MAML2: variants seen among roughly 807,000 people sequenced by gnomAD.
The protein encoded by MAML2 is mastermind like transcriptional coactivator 2.
A neutral mutation model predicts 96.1 loss-of-function variants in MAML2; 22 were observed. That is an observed-to-expected ratio of 0.23 (90% confidence interval 0.16 to 0.33). The LOEUF (loss-of-function observed/expected upper bound fraction) is 0.33. MAML2 is among the 10% of genes least tolerant of loss of function. The pLI, the probability that MAML2 is intolerant of heterozygous loss-of-function variation, is 1.00. For missense variants in MAML2, 1,367 were observed against 1,392.4 expected, an observed-to-expected ratio of 0.98 and a Z score of 0.29; for synonymous variants, 561 against 521.3, an observed-to-expected ratio of 1.08 and a Z score of -1.04.
intron 1 of MAML2, among the ~76,000 whole-genome samples, chr11:96,262,554 G>A (rs1359752528): frequency 2.6e-5 from 4 of 151,304 alleles, no homozygotes; most frequent in African/African-American, 7.3e-5. Flanking sequence ...TGCAACCTCC[G>A]CCTCCCAGGT....
chr11:96,284,726 T>C (rs374498560), intron 1 of MAML2, among the ~76,000 whole-genome samples: 2 of 152,294 alleles, frequency 1.3e-5, no homozygotes, highest in African/African-American at 2.4e-5. Flanking sequence ...CAGTTTAGAA[T>C]TGATGAAAGA....
At chr11:96,073,325 T>C (rs1418102309) in intron 2 of MAML2, among the ~76,000 whole-genome samples, 1 of 113,246 alleles carries the variant, frequency 8.8e-6, no homozygotes, top group Non-Finnish European at 1.9e-5. Context: ...TCTTTTCTTT[T>C]TTTTTTTTTT....
intron 1 of MAML2, among the ~76,000 whole-genome samples, chr11:96,283,994 C>G (rs1863105033): frequency 6.6e-6 from 1 of 152,182 alleles, no homozygotes; most frequent in Non-Finnish European, 1.5e-5. Flanking sequence ...ATTTTGCCCT[C>G]TAGATAATCA....
intron 1 of MAML2, among the ~76,000 whole-genome samples, chr11:96,210,833 A>G (rs1355186393): frequency 1.3e-5 from 2 of 152,206 alleles, no homozygotes; most frequent in East Asian, 3.8e-4. Context: ...CAATATATAG[A>G]TATATTGTTC....
At chr11:95,998,146 G>GTCTGTCTC (rs1858024310) in intron 2 of MAML2, among the ~76,000 whole-genome samples, 1 of 134,766 alleles carries the variant, frequency 7.4e-6, no homozygotes, top group South Asian at 2.6e-4. Context: ...CTGTCAGTCT[G>GTCTGTCTC]TCTGTCTGTC....
intron 1 of MAML2, among the ~76,000 whole-genome samples, chr11:96,192,596 T>C (rs879846165): frequency 6.6e-6 from 1 of 152,236 alleles, no homozygotes; most frequent in East Asian, 1.9e-4. Flanking sequence ...TAAGTCTTGC[T>C]AGCACAGTCA....
At chr11:96,245,391 A>C (rs146993272) in intron 1 of MAML2, among the ~76,000 whole-genome samples, 2,421 of 152,286 alleles carry the variant, frequency 0.016, 24 homozygotes, top group Non-Finnish European at 0.026. Flanking sequence ...TTGTTTCCCA[A>C]GTAAGAGCTC....
chr11:95,979,451 T>C lies in MAML2; in HGVS notation c.2968A>G (p.Thr990Ala), dbSNP rs777053574. ...TSAGVRFPTGTPAAYTPNQSL... is the reference protein window; with the variant it reads ...TSAGVRFPTGAPAAYTPNQSL... Reference sequence around the variant, plus strand: ...TGATTTGGGGTATAGGCTGCAGGTGTACCTGTGGGGAAGCGGACTCCTGCA... The same window carrying C: ...TGATTTGGGGTATAGGCTGCAGGTGCACCTGTGGGGAAGCGGACTCCTGCA... The change falls in exon 5 of 5, where the codon ACA (threonine) becomes GCA (alanine). Residue 990 changes from threonine (T) to alanine (A), a missense_variant. Coordinates refer to ENST00000524717, the MANE Select transcript of MAML2 (RefSeq NM_032427.4). 12 of 1,613,540 alleles carry C rather than the reference T, an allele frequency of 7.4e-6. No individual in the cohort carries two copies. The highest frequency in any genetic ancestry group is 1.0e-5 in the Non-Finnish European group (12 of 1,179,776).
At chr11:96,043,585 C>G (rs1858850464) in intron 2 of MAML2, among the ~76,000 whole-genome samples, 1 of 152,198 alleles carries the variant, frequency 6.6e-6, no homozygotes, top group Non-Finnish European at 1.5e-5. Flanking sequence ...TAAAAATTTT[C>G]CCATCAGAGG....
At position 96,027,211 on chromosome 11, in the gene MAML2, TATTCATTC is replaced by T. The variant is rs144573253; in HGVS notation, c.2140-35496_2140-35489del. Among the ~76,000 whole-genome samples the T allele has an allele frequency of 7.8e-3, 1,183 of 151,816 alleles. 16 individuals are homozygous for T. Among genetic ancestry groups the T allele is most frequent in the East Asian group, 0.038 (198 of 5,190 alleles). ...ACATTTTGTCACTCATGCATTCATT[TATTCATTC>T]ATTCATTCATTCATTCACCCATTCA... On this transcript the variant is annotated intron_variant, in intron 2 of 4. Transcript: ENST00000524717.
intron 1 of MAML2, among the ~76,000 whole-genome samples, chr11:96,202,661 C>T (rs1379001127): frequency 1.3e-5 from 2 of 150,372 alleles, no homozygotes; most frequent in Non-Finnish European, 3.0e-5. Context: ...GATTTTCGCT[C>T]TTGTCACCCA....
intron 1 of MAML2, among the ~76,000 whole-genome samples, chr11:96,299,481 T>C (rs1335056811): frequency 6.6e-6 from 1 of 151,956 alleles, no homozygotes; most frequent in Non-Finnish European, 1.5e-5. Context: ...GCTGACAGTT[T>C]CTTCACTGGA....
intron 1 of MAML2, among the ~76,000 whole-genome samples, chr11:96,297,839 T>C (rs1863324551): frequency 6.6e-6 from 1 of 152,282 alleles, no homozygotes; most frequent in African/African-American, 2.4e-5. Context: ...AGTATGCATC[T>C]CTAAAAATAT....
chr11:96,249,404 G>A (rs1378107993), intron 1 of MAML2, among the ~76,000 whole-genome samples: 1 of 152,098 alleles, frequency 6.6e-6, no homozygotes, highest in East Asian at 1.9e-4. Context: ...CCTTGCGCAT[G>A]AATTCCAGCT....
intron 1 of MAML2, among the ~76,000 whole-genome samples, chr11:96,181,639 G>A (rs1310241567): frequency 6.6e-6 from 1 of 152,104 alleles, no homozygotes; most frequent in Admixed American, 6.5e-5. Context: ...AAGGAGAGCT[G>A]ACATCATATA....
At chr11:96,294,017 CA>C (rs1863252058) in intron 1 of MAML2, among the ~76,000 whole-genome samples, 1 of 152,174 alleles carries the variant, frequency 6.6e-6, no homozygotes, top group South Asian at 2.1e-4. Context: ...GCCCAAAGTA[CA>C]GAAATTATTC....
intron 2 of MAML2, among the ~76,000 whole-genome samples, chr11:96,058,461 G>A (rs1028309805): frequency 3.3e-5 from 5 of 151,956 alleles, no homozygotes; most frequent in Admixed American, 6.6e-5. Context: ...CTGGGACTAC[G>A]GGCATGCGCC....
intron 1 of MAML2, among the ~76,000 whole-genome samples, chr11:96,281,583 G>C (rs558656909): frequency 6.6e-6 from 1 of 152,244 alleles, no homozygotes; most frequent in Non-Finnish European, 1.5e-5. Flanking sequence ...CCCTGGTTTT[G>C]AGAAATATTA....
At chr11:96,189,074 T>G (rs933888451) in intron 1 of MAML2, among the ~76,000 whole-genome samples, 8 of 152,058 alleles carry the variant, frequency 5.3e-5, no homozygotes, top group East Asian at 1.9e-4. Flanking sequence ...GTTTTGTTTT[T>G]TTTTTTCTAT....
Sources: allele counts gnomAD v4.1 joint callset (sites outside exome capture counted in the v4.1 genomes callset), GRCh38; gene constraint gnomAD v4.1.1; transcripts MANE v1.5; gene names NCBI Gene and HGNC (gene_info 2026-07-23, HGNC 2026-07-21).